ZNF423: variants seen among roughly 807,000 people sequenced by gnomAD.
The protein encoded by ZNF423 is zinc finger protein 423.
ZNF423 carries 12 observed loss-of-function variants against 95.8 expected under a neutral mutation model. The ratio of observed to expected loss-of-function variants is 0.13; its 90% confidence interval spans 0.08 to 0.20. The LOEUF is 0.20. Ranked by LOEUF, ZNF423 falls within the 10% of genes least tolerant of loss-of-function variation. ZNF423 has a pLI of 1.00. For missense variants in ZNF423, 1,316 were observed against 1,737.1 expected (o/e 0.76, Z 4.31); for synonymous variants, 749 against 711.9 (o/e 1.05, Z -0.83).
intron 2 of ZNF423, among the ~76,000 whole-genome samples, chr16:49,734,525 G>A (rs930792192): frequency 1.3e-5 from 2 of 152,236 alleles, no homozygotes; most frequent in East Asian, 1.9e-4. Flanking sequence ...TCCAGGGCTG[G>A]GGAGGGCTTC....
At chr16:49,646,748 A>G (rs1373413426) in intron 3 of ZNF423, among the ~76,000 whole-genome samples, 1 of 151,470 alleles carries the variant, frequency 6.6e-6, no homozygotes, top group Non-Finnish European at 1.5e-5. Flanking sequence ...TAATATTTGT[A>G]TTTTTAGTAG....
rs144485821 is a variant in ZNF423 at position 49,823,304 on chromosome 16, C to T, written c.40+32431G>A. ...CTTTTCTCTTGCAACAACAAAACAG[C>T]TCCCATTTATCAATCACTGACTAAG... On this transcript the variant is annotated intron_variant, in intron 1 of 7. Coordinates refer to ENST00000563137, the MANE Select transcript of ZNF423 (RefSeq NM_001379286.1). 5.1e-4 allele frequency among the ~76,000 whole-genome samples: 77 copies of T among 152,338 alleles called. No individual in the cohort carries two copies. The East Asian group carries it at 0.015, about 29-fold the overall frequency.
intron 3 of ZNF423, among the ~76,000 whole-genome samples, chr16:49,665,707 C>A (rs930988103): frequency 6.6e-6 from 1 of 152,280 alleles, no homozygotes; most frequent in African/African-American, 2.4e-5. Context: ...GGGGAGCCCC[C>A]CATCAGCACC....
chr16:49,677,307 A>AAGG (rs2031131183), intron 3 of ZNF423, among the ~76,000 whole-genome samples: 5 of 69,810 alleles, frequency 7.2e-5, no homozygotes, highest in East Asian at 5.1e-4. Flanking sequence ...AGAAGAGAAG[A>AAGG]GAAAGGAGGG....
chr16:49,563,693 C>T (rs763473450), intron 5 of ZNF423, among the ~76,000 whole-genome samples: 1 of 152,218 alleles, frequency 6.6e-6, no homozygotes, highest in Non-Finnish European at 1.5e-5. Flanking sequence ...ACCATCCCAA[C>T]CACACCCTTG....
chr16:49,689,791 A>G (rs1351487794), intron 3 of ZNF423, among the ~76,000 whole-genome samples: 3 of 152,164 alleles, frequency 2.0e-5, no homozygotes, highest in Non-Finnish European at 4.4e-5. Flanking sequence ...CTGGAGATGC[A>G]TCTGGGAGGG....
chr16:49,762,606 C>G (rs1197029164), intron 2 of ZNF423, among the ~76,000 whole-genome samples: 5 of 152,142 alleles, frequency 3.3e-5, no homozygotes, highest in African/African-American at 1.2e-4. Context: ...AACAATTTCC[C>G]CAGCATAAGA....
rs376805518 is a variant in ZNF423, at chr16:49,512,022, CACTAT to C, written c.3849+11597_3849+11601del. 8.5e-5 allele frequency among the ~76,000 whole-genome samples: 13 copies of C among 152,260 alleles called. No individual in the cohort carries two copies. In the East Asian group the frequency reaches 9.6e-4, roughly 11 times the overall value. On this transcript the variant is annotated intron_variant, in intron 7 of 7. Transcript: ENST00000563137. ...GTATGAGTGATATGGTATGATGCAG[CACTAT>C]ACTATACTATACTATATACTATACC...
intron 7 of ZNF423, among the ~76,000 whole-genome samples, chr16:49,508,058 G>A (rs914416749): frequency 6.6e-6 from 1 of 152,184 alleles, no homozygotes; most frequent in Non-Finnish European, 1.5e-5. Flanking sequence ...CCAGCTCTGA[G>A]GCCTTGGGGG....
chr16:49,504,472 C>T (rs573033331), intron 7 of ZNF423, among the ~76,000 whole-genome samples: 16 of 152,272 alleles, frequency 1.1e-4, no homozygotes, highest in Non-Finnish European at 1.9e-4. Context: ...ATCCCAGCTA[C>T]TCGGGAGGCT....
intron 3 of ZNF423, among the ~76,000 whole-genome samples, chr16:49,670,833 C>T (rs2030772970): frequency 6.6e-6 from 1 of 152,246 alleles, no homozygotes. Context: ...ACAACGCCGG[C>T]TTGAGGCGAG....
chr16:49,523,592 G>A, intron 7 of ZNF423, 32 bp downstream of exon 7: 1 of 1,583,304 alleles, frequency 6.3e-7, no homozygotes, highest in East Asian at 2.2e-5. Context: ...AGGACCATCA[G>A]GCGGCGTGGT....
intron 1 of ZNF423, among the ~76,000 whole-genome samples, chr16:49,794,560 C>T (rs148152033): frequency 5.4e-4 from 82 of 152,344 alleles, no homozygotes; most frequent in African/African-American, 1.7e-3. Flanking sequence ...TTCAAGCACA[C>T]GTGCAGGCAT....
intron 3 of ZNF423, among the ~76,000 whole-genome samples, chr16:49,648,507 T>A (rs1178391486): frequency 1.3e-5 from 2 of 151,980 alleles, no homozygotes; most frequent in African/African-American, 4.8e-5. Flanking sequence ...CTGGGCATGG[T>A]GGCACATGCC....
At chr16:49,785,014 G>T (rs1297661443) in intron 2 of ZNF423, among the ~76,000 whole-genome samples, 1 of 151,812 alleles carries the variant, frequency 6.6e-6, no homozygotes, top group East Asian at 1.9e-4. Context: ...AGGAGGGCAG[G>T]GGTGATAGCT....
intron 7 of ZNF423, among the ~76,000 whole-genome samples, chr16:49,510,683 A>G (rs1482061525): frequency 1.3e-5 from 2 of 152,184 alleles, no homozygotes; most frequent in African/African-American, 2.4e-5. Context: ...TTCCCGTGTG[A>G]GAGGCTCCCT....
At chr16:49,613,355 C>T (rs1971784021) in intron 5 of ZNF423, among the ~76,000 whole-genome samples, 1 of 152,160 alleles carries the variant, frequency 6.6e-6, no homozygotes. Context: ...GAAACAGACC[C>T]ACAGAAATAT....
intron 5 of ZNF423, among the ~76,000 whole-genome samples, chr16:49,540,057 T>C (rs1391207194): frequency 2.0e-5 from 3 of 152,186 alleles, no homozygotes; most frequent in African/African-American, 2.4e-5. Flanking sequence ...CTGGTGCCAC[T>C]GAAGGGCTTG....
rs113742515 is a variant in ZNF423 at position 49,533,369 on chromosome 16, A to G, written c.3602-7875T>C. Among the ~76,000 whole-genome samples, 447 of 152,320 alleles carry G rather than the reference A, an allele frequency of 2.9e-3. 2 individuals carry two copies. Among genetic ancestry groups the G allele is most frequent in the African/African-American group, 9.6e-3 (399 of 41,580 alleles). The stretch of plus-strand genomic sequence containing the variant: ...AAGGGCTGGCTGCCTCAACCACCCC[A>G]GCATTCACCCCAGGGTTTCCATGGC... On this transcript the variant is annotated intron_variant, in intron 5 of 7. Transcript: ENST00000563137.
Sources: gnomAD v4.1 joint callset for allele counts (sites outside exome capture counted in the v4.1 genomes callset) on GRCh38, gnomAD v4.1.1 for gene constraint, MANE v1.5 for transcripts, NCBI Gene and HGNC (gene_info 2026-07-23, HGNC 2026-07-21) for gene names.